Variants in NRG1 observed in about 807,000 individuals in gnomAD.
The protein encoded by NRG1 is pro-neuregulin-1, membrane-bound isoform.
A neutral mutation model predicts 63.8 loss-of-function variants in NRG1; 18 were observed. The ratio of observed to expected loss-of-function variants is 0.28; its 90% CI spans 0.19 to 0.42. The LOEUF (loss-of-function observed/expected upper bound fraction) is 0.42. Ranked by LOEUF, NRG1 falls within the 10% of genes least tolerant of loss-of-function variation. The pLI is 1.00. For missense variants in NRG1, 762 were observed against 814.7 expected (o/e 0.94, Z 0.79); for synonymous variants, 302 against 301.3 (o/e 1.00, Z -0.02).
At chr8:32,383,629 TC>T (rs1269140666) in intron 1 of NRG1, among the ~76,000 whole-genome samples, 1 of 152,098 alleles carries the variant, frequency 6.6e-6, no homozygotes, top group African/African-American at 2.4e-5. Flanking sequence ...CAAATCAGAG[TC>T]ACATAGATGT....
intron 1 of NRG1, among the ~76,000 whole-genome samples, chr8:32,386,294 T>C (rs749596811): frequency 1.6e-4 from 25 of 152,180 alleles, no homozygotes; most frequent in Non-Finnish European, 2.9e-4. Context: ...AAGAAAGCTG[T>C]CTCTCTATTA....
At chr8:31,969,158 T>C (rs1184866239) in intron 1 of NRG1, among the ~76,000 whole-genome samples, 3 of 152,248 alleles carry the variant, frequency 2.0e-5, no homozygotes, top group African/African-American at 7.2e-5. Flanking sequence ...ATTCCTTCCA[T>C]CTGTCTACTT....
chr8:32,662,729 T>A (rs577429654), intron 5 of NRG1, among the ~76,000 whole-genome samples: 44 of 152,276 alleles, frequency 2.9e-4, no homozygotes, highest in Non-Finnish European at 5.6e-4. Flanking sequence ...ATGAATTGGA[T>A]ATGGGATTTG....
chr8:31,945,729 A>G (rs753673269), intron 1 of NRG1, among the ~76,000 whole-genome samples: 1 of 152,026 alleles, frequency 6.6e-6, no homozygotes. Context: ...CTTCCTGTGC[A>G]TATCTGTGTT....
At chr8:32,224,347 T>G (rs1846117600) in intron 1 of NRG1, among the ~76,000 whole-genome samples, 1 of 152,140 alleles carries the variant, frequency 6.6e-6, no homozygotes, top group Non-Finnish European at 1.5e-5. Flanking sequence ...TTCACAAGGA[T>G]CCAGCCCCTG....
At chr8:32,200,010 C>T (rs1310576571) in intron 1 of NRG1, among the ~76,000 whole-genome samples, 2 of 152,138 alleles carry the variant, frequency 1.3e-5, no homozygotes, top group African/African-American at 2.4e-5. Context: ...AACTCCTGAC[C>T]TCAGATGATC....
At chr8:32,003,436 T>C (rs889800198) in intron 1 of NRG1, among the ~76,000 whole-genome samples, 3 of 152,028 alleles carry the variant, frequency 2.0e-5, no homozygotes, top group Non-Finnish European at 2.9e-5. Flanking sequence ...TTCTGGGCCA[T>C]AACATTTATC....
chr8:32,275,262 T>G lies in NRG1; in HGVS notation c.38-320566T>G, dbSNP rs551132554. On this transcript the variant is annotated intron_variant, in intron 1 of 10. Transcript: ENST00000519301. ...CAACAGTGATTTACTAACAACCTAC[T>G]TTGTGTTAGGCACTGTTCCAGGGTC... is the stretch of plus-strand genomic sequence containing the variant. 2.2e-3 allele frequency among the ~76,000 whole-genome samples: 335 copies of G among 152,294 alleles called. 1 individual carries two copies. Among genetic ancestry groups the G allele is most frequent in the African/African-American group, 7.7e-3 (318 of 41,560 alleles).
chr8:31,664,994 C>T (rs1324632957), intron 1 of NRG1, among the ~76,000 whole-genome samples: 2 of 152,204 alleles, frequency 1.3e-5, no homozygotes, highest in East Asian at 3.9e-4. Context: ...TTTAAGAATT[C>T]AGAGGAGGTA....
chr8:32,538,905 G>A (rs544062004), intron 1 of NRG1, among the ~76,000 whole-genome samples: 2 of 152,286 alleles, frequency 1.3e-5, no homozygotes, highest in Admixed American at 6.5e-5. Flanking sequence ...AAGATACAGA[G>A]AAGGAATACA....
At chr8:32,182,091 G>C (rs1168256219) in intron 1 of NRG1, among the ~76,000 whole-genome samples, 1 of 152,210 alleles carries the variant, frequency 6.6e-6, no homozygotes, top group African/African-American at 2.4e-5. Flanking sequence ...ATCAGCTGAG[G>C]TTGGCTGTTG....
intron 1 of NRG1, among the ~76,000 whole-genome samples, chr8:31,805,444 A>G (rs1822174472): frequency 6.6e-6 from 1 of 152,182 alleles, no homozygotes; most frequent in Non-Finnish European, 1.5e-5. Context: ...ATTATGGATT[A>G]TGAAACAGCA....
intron 1 of NRG1, among the ~76,000 whole-genome samples, chr8:32,082,326 C>T (rs1024462672): frequency 2.6e-5 from 4 of 151,634 alleles, no homozygotes; most frequent in Non-Finnish European, 2.9e-5. Context: ...AGCCTGTTAC[C>T]CAATAGGTAT....
intron 1 of NRG1, among the ~76,000 whole-genome samples, chr8:32,306,727 G>C (rs1224069375): frequency 6.6e-6 from 1 of 152,230 alleles, no homozygotes; most frequent in Admixed American, 6.5e-5. Flanking sequence ...GAAAGGAGGA[G>C]AAAGGTTGCT....
intron 1 of NRG1, among the ~76,000 whole-genome samples, chr8:32,491,338 AC>A (rs1563537710): frequency 6.6e-6 from 1 of 152,190 alleles, no homozygotes; most frequent in Non-Finnish European, 1.5e-5. Context: ...AAGGAGATAC[AC>A]CTTTGAATCT....
intron 1 of NRG1, among the ~76,000 whole-genome samples, chr8:32,422,101 A>G (rs888212547): frequency 3.9e-5 from 6 of 152,160 alleles, no homozygotes; most frequent in Non-Finnish European, 8.8e-5. Context: ...CAATATATCC[A>G]CATAACAGAA....
intron 1 of NRG1, among the ~76,000 whole-genome samples, chr8:31,848,653 C>G (rs781693330): frequency 6.6e-6 from 1 of 152,150 alleles, no homozygotes; most frequent in African/African-American, 2.4e-5. Flanking sequence ...CCTGTCAGAT[C>G]AGCAGCAGCA....
chr8:31,895,483 C>A (rs1203360283), intron 1 of NRG1, among the ~76,000 whole-genome samples: 1 of 152,222 alleles, frequency 6.6e-6, no homozygotes, highest in Non-Finnish European at 1.5e-5. Flanking sequence ...AAATTGGAAA[C>A]TCTTCTAATC....
At chr8:32,763,051 A>G (rs1326839031) in intron 11 of NRG1, among the ~76,000 whole-genome samples, 4 of 152,204 alleles carry the variant, frequency 2.6e-5, no homozygotes, top group African/African-American at 9.6e-5. Flanking sequence ...AAGCCAAATT[A>G]GGTTCTCTCA....
Sources: gnomAD v4.1 joint callset for allele counts (sites outside exome capture counted in the v4.1 genomes callset) on GRCh38, gnomAD v4.1.1 for gene constraint, MANE v1.5 for transcripts, NCBI Gene and HGNC (gene_info 2026-07-23, HGNC 2026-07-21) for gene names.